Variants in NALF1 observed in about 807,000 individuals in gnomAD.
The protein encoded by NALF1 is NALCN channel auxiliary factor 1, also known as family with sequence similarity 155 member A.
A neutral mutation model predicts 48.4 loss-of-function variants in NALF1; 3 were observed. That is an observed-to-expected ratio of 0.06 (90% CI 0.03 to 0.16). The LOEUF (loss-of-function observed/expected upper bound fraction) is 0.16. NALF1 is among the 10% of genes least tolerant of loss of function. The pLI is 1.00. For missense variants in NALF1, 526 were observed against 571.5 expected (o/e 0.92, Z 0.81); for synonymous variants, 262 against 245.7 (o/e 1.07, Z -0.62).
At chr13:107,210,124 C>T (rs1475647115) in intron 2 of NALF1, among the ~76,000 whole-genome samples, 1 of 151,840 alleles carries the variant, frequency 6.6e-6, no homozygotes, top group African/African-American at 2.4e-5. Context: ...GCTCTTAATA[C>T]TTTTTACAGA....
At chr13:107,267,981 AATT>A (rs1295613800) in intron 1 of NALF1, among the ~76,000 whole-genome samples, 1 of 109,460 alleles carries the variant, frequency 9.1e-6, no homozygotes, top group Non-Finnish European at 1.7e-5. Context: ...TTTTTTCTGG[AATT>A]TTTTTTTTTT....
intron 1 of NALF1, among the ~76,000 whole-genome samples, chr13:107,750,282 C>T (rs1400859584): frequency 5.3e-5 from 8 of 152,026 alleles, no homozygotes; most frequent in Non-Finnish European, 7.4e-5. Context: ...CTCCAGAACA[C>T]GGAATACGGT....
intron 1 of NALF1, among the ~76,000 whole-genome samples, chr13:107,713,499 T>A (rs1002791527): frequency 6.6e-6 from 1 of 152,216 alleles, no homozygotes; most frequent in Non-Finnish European, 1.5e-5. Flanking sequence ...CATTGTATGG[T>A]GGACACTGTC....
chr13:107,562,809 G>GA (rs1476631105), intron 1 of NALF1, among the ~76,000 whole-genome samples: 1 of 152,200 alleles, frequency 6.6e-6, no homozygotes, highest in Non-Finnish European at 1.5e-5. Flanking sequence ...ATAATCTGAT[G>GA]AAACAGGAGT....
At position 107,254,062 on chromosome 13, in the gene NALF1, A is replaced by AAAAAAAAAAAAAATATAT; in HGVS notation, c.916-43308_916-43307insATATATTTTTTTTTTTTT. 2.9e-5 allele frequency among the ~76,000 whole-genome samples: 4 copies of AAAAAAAAAAAAAATATAT among 138,582 alleles called. No individual in the cohort carries two copies. The East Asian group carries it at 8.2e-4, about 28-fold the overall frequency. 90.9% of individuals were successfully genotyped at this position (138,582 alleles called of 152,430 possible). A position where few individuals can be genotyped will look rare whatever the true frequency, so the allele number is the denominator to read the frequency against. Reference sequence around the variant, plus strand: ...AGATGTTTAAGGGAGCAAGTACTAAAATATATATATATATATTAAGCACAC... The same window carrying AAAAAAAAAAAAAATATAT: ...AGATGTTTAAGGGAGCAAGTACTAAAAAAAAAAAAAAAATATATATATATATATATATATTAAGCACAC... On this transcript the variant is annotated intron_variant, in intron 1 of 2. Coordinates refer to ENST00000375915, the MANE Select transcript of NALF1 (RefSeq NM_001080396.3).
chr13:107,774,114 C>T (rs1403690577), intron 1 of NALF1, among the ~76,000 whole-genome samples: 1 of 152,148 alleles, frequency 6.6e-6, no homozygotes, highest in African/African-American at 2.4e-5. Context: ...GTGAGAAGAA[C>T]AGTTACTTCA....
At chr13:107,556,159 T>A (rs376262992) in intron 1 of NALF1, among the ~76,000 whole-genome samples, 1 of 151,784 alleles carries the variant, frequency 6.6e-6, no homozygotes, top group South Asian at 2.1e-4. Context: ...ACATATAAGA[T>A]CTCTTATGAA....
intron 1 of NALF1, among the ~76,000 whole-genome samples, chr13:107,836,157 A>C (rs973956157): frequency 2.6e-5 from 4 of 151,924 alleles, no homozygotes; most frequent in Admixed American, 1.3e-4. Context: ...TGCTCGACTA[A>C]TTTTTGTAAT....
chr13:107,727,256 C>A (rs1226316779), intron 1 of NALF1, among the ~76,000 whole-genome samples: 1 of 152,074 alleles, frequency 6.6e-6, no homozygotes, highest in Non-Finnish European at 1.5e-5. Flanking sequence ...CTAAAATAAT[C>A]TTGTAAGAAT....
intron 1 of NALF1, among the ~76,000 whole-genome samples, chr13:107,368,629 C>G (rs1220979894): frequency 6.6e-6 from 1 of 152,242 alleles, no homozygotes; most frequent in East Asian, 1.9e-4. Context: ...CCTGTCTTCA[C>G]AAGGCCCTCC....
At chr13:107,303,611 T>A (rs989030043) in intron 1 of NALF1, among the ~76,000 whole-genome samples, 1 of 152,204 alleles carries the variant, frequency 6.6e-6, no homozygotes, top group African/African-American at 2.4e-5. Context: ...CCTGTTTTCA[T>A]TATTACAAAC....
chr13:107,673,760 T>C (rs1263499118), intron 1 of NALF1, among the ~76,000 whole-genome samples: 1 of 152,170 alleles, frequency 6.6e-6, no homozygotes, highest in African/African-American at 2.4e-5. Context: ...ATACATTGCA[T>C]GTATCAAAAC....
At chr13:107,568,471 G>A (rs1410584500) in intron 1 of NALF1, among the ~76,000 whole-genome samples, 1 of 152,200 alleles carries the variant, frequency 6.6e-6, no homozygotes, top group African/African-American at 2.4e-5. Context: ...GTGCCTCAGA[G>A]TGCAATTATT....
chr13:107,438,233 G>C (rs913877621), intron 1 of NALF1, among the ~76,000 whole-genome samples: 2 of 152,104 alleles, frequency 1.3e-5, no homozygotes, highest in Non-Finnish European at 2.9e-5. Context: ...CTTTGAGAAA[G>C]AACTAAATCC....
chr13:107,569,037 TAA>T (rs1877900335), intron 1 of NALF1, among the ~76,000 whole-genome samples: 1 of 152,222 alleles, frequency 6.6e-6, no homozygotes, highest in Non-Finnish European at 1.5e-5. Context: ...CTGTCCTTTC[TAA>T]AAGTTTTATA....
chr13:107,811,333 C>G (rs1258108932), intron 1 of NALF1, among the ~76,000 whole-genome samples: 1 of 152,120 alleles, frequency 6.6e-6, no homozygotes, highest in African/African-American at 2.4e-5. Context: ...AACCATCAAA[C>G]CTCAAATTAA....
intron 1 of NALF1, among the ~76,000 whole-genome samples, chr13:107,829,979 T>C (rs1280976033): frequency 1.3e-5 from 2 of 152,324 alleles, no homozygotes; most frequent in East Asian, 3.9e-4. Context: ...CAAGAAAGTC[T>C]GGCAACAGAT....
At chr13:107,245,102 C>A (rs1330949109) in intron 1 of NALF1, among the ~76,000 whole-genome samples, 1 of 152,118 alleles carries the variant, frequency 6.6e-6, no homozygotes, top group Non-Finnish European at 1.5e-5. Flanking sequence ...AAAGATGCAT[C>A]CACAGTGCCC....
intron 1 of NALF1, among the ~76,000 whole-genome samples, chr13:107,530,316 T>G (rs776097865): frequency 9.2e-5 from 14 of 152,134 alleles, no homozygotes; most frequent in Non-Finnish European, 1.9e-4. Flanking sequence ...ATTTTTATAT[T>G]TGTTTCCTAT....
Sources: allele counts gnomAD v4.1 joint callset (sites outside exome capture counted in the v4.1 genomes callset), GRCh38; gene constraint gnomAD v4.1.1; transcripts MANE v1.5; gene names NCBI Gene and HGNC (gene_info 2026-07-23, HGNC 2026-07-21).